AKR1C3: variants seen among roughly 807,000 people sequenced by gnomAD.
AKR1C3 encodes the protein aldo-keto reductase family 1 member C3.
In AKR1C3, 48 loss-of-function variants were observed where a neutral mutation model predicts 43.6. The ratio of observed to expected loss-of-function variants is 1.10; its 90% CI spans 0.87 to 1.40. AKR1C3 has a LOEUF of 1.40. Ranked by LOEUF, AKR1C3 falls within the 40% of genes most tolerant of loss-of-function variation. The pLI is 0.00. For missense variants in AKR1C3, 482 were observed against 391.2 expected (o/e 1.23, Z -1.96); for synonymous variants, 162 against 139.6 (o/e 1.16, Z -1.13).
At chr10:5,106,965 A>G (rs1180544010) in intron 8 of AKR1C3, among the ~76,000 whole-genome samples, 2 of 151,662 alleles carry the variant, frequency 1.3e-5, no homozygotes, top group Non-Finnish European at 2.9e-5. Context: ...GAGCATGAGT[A>G]ATTCTTATCA....
chr10:5,074,254 G>T (rs1838666231), intron 1 of AKR1C3, among the ~76,000 whole-genome samples: 2 of 152,062 alleles, frequency 1.3e-5, no homozygotes, highest in African/African-American at 4.8e-5. Context: ...ACCTCCTGAG[G>T]GTGTGTCATG....
intron 1 of AKR1C3, among the ~76,000 whole-genome samples, chr10:5,094,749 C>T (rs1023643596): frequency 6.6e-6 from 1 of 152,066 alleles, no homozygotes. Flanking sequence ...CTGTTTCTTT[C>T]TTCTGTTCAT....
intron 1 of AKR1C3, among the ~76,000 whole-genome samples, chr10:5,084,999 G>C: frequency 6.6e-6 from 1 of 152,128 alleles, no homozygotes; most frequent in East Asian, 1.9e-4. Context: ...GGGTTTTCTA[G>C]ATACACAATC....
At chr10:5,067,033 ATTGTTTGTTTGT>A (rs144988666) in intron 1 of AKR1C3, among the ~76,000 whole-genome samples, 3 of 151,954 alleles carry the variant, frequency 2.0e-5, no homozygotes, top group African/African-American at 7.3e-5. Context: ...GGAGTGAATC[ATTGTTTGTTTGT>A]TTGTTTGTTT....
At chr10:5,051,147 G>C (rs1838145393) in intron 1 of AKR1C3, among the ~76,000 whole-genome samples, 1 of 152,230 alleles carries the variant, frequency 6.6e-6, no homozygotes, top group Non-Finnish European at 1.5e-5. Flanking sequence ...CCAGGCTGGA[G>C]TACAGTGGCG....
rs148160794 is a variant in AKR1C3, at chr10:5,082,543, AT to A, written c.85-13857del. Among the ~76,000 whole-genome samples, 15 of 148,500 alleles carry A rather than the reference AT, an allele frequency of 1.0e-4. No individual in the cohort carries two copies. The East Asian group carries it at 1.4e-3, about 14-fold the overall frequency. ...AAACTCGGCATCTGTTGGGATGATC[AT>A]TTTTTTTTTGCTTTTAAGTATGTTT... On this transcript the variant is annotated intron_variant, in intron 1 of 8. Transcript: ENST00000439082.
chr10:5,050,312 G>T (rs1554778821), intron 1 of AKR1C3, among the ~76,000 whole-genome samples: 1 of 152,218 alleles, frequency 6.6e-6, no homozygotes, highest in African/African-American at 2.4e-5. Context: ...TCTGCAATAT[G>T]GAGATCTCAA....
chr10:5,098,209 G>T, intron 3 of AKR1C3: 2 of 980,664 alleles, frequency 2.0e-6, no homozygotes, highest in Non-Finnish European at 2.4e-6. Context: ...ATATGAAATA[G>T]TCTACAAAAA....
rs377644985 is a variant in AKR1C3, at chr10:5,107,565, G to A, written c.*62G>A. The A allele has an allele frequency of 1.6e-5, 21 of 1,347,982 alleles. No homozygotes were observed. The highest frequency in any genetic ancestry group is 1.2e-4 in the East Asian group (5 of 42,976). The allele number at this position is 1,347,982 out of a possible 1,614,324, so 83.5% of individuals were successfully genotyped here. ...GTGTGTGGATGGTGACGCAGAGGAC[G>A]TCTCTATGCCGGTGACTGGACATAT... On this transcript the variant is annotated 3_prime_UTR_variant, in exon 9 of 9. Coordinates refer to ENST00000380554, the MANE Select transcript of AKR1C3 (RefSeq NM_003739.6).
intron 1 of AKR1C3, among the ~76,000 whole-genome samples, chr10:5,062,774 C>T (rs1369424767): frequency 6.7e-6 from 1 of 150,252 alleles, no homozygotes. Flanking sequence ...TTAGGGCAGT[C>T]ATTTGTAAAT....
chr10:5,078,992 C>G, intron 1 of AKR1C3, among the ~76,000 whole-genome samples: 1 of 152,174 alleles, frequency 6.6e-6, no homozygotes, highest in East Asian at 1.9e-4. Context: ...TAACTCCAGT[C>G]TCCTTGTGAG....
chr10:5,104,352 T>G (rs1041098186), intron 7 of AKR1C3, among the ~76,000 whole-genome samples: 1 of 151,154 alleles, frequency 6.6e-6, no homozygotes, highest in Non-Finnish European at 1.5e-5. Flanking sequence ...CCAACAATTA[T>G]TGAAAAGCAT....
intron 1 of AKR1C3, among the ~76,000 whole-genome samples, chr10:5,095,648 T>C (rs1462194020): frequency 1.3e-5 from 2 of 152,136 alleles, no homozygotes; most frequent in Non-Finnish European, 2.9e-5. Flanking sequence ...TATCCAAATT[T>C]GGTCAATAAG....
intron 1 of AKR1C3, among the ~76,000 whole-genome samples, chr10:5,071,175 G>T (rs1327876332): frequency 1.3e-5 from 2 of 152,198 alleles, no homozygotes; most frequent in Non-Finnish European, 2.9e-5. Context: ...ACACAATAGA[G>T]GTATATTTGG....
intron 6 of AKR1C3, 58 bp downstream of exon 6, chr10:5,102,268 C>G (rs2131847422): frequency 1.3e-6 from 2 of 1,580,462 alleles, no homozygotes; most frequent in African/African-American, 2.7e-5. Flanking sequence ...ATTTTTTAGT[C>G]AGAGCATCCT....
chr10:5,097,494 A>G lies in AKR1C3; in HGVS notation c.313A>G (p.Lys105Glu). 6.2e-7 allele frequency: 1 copy of G among 1,613,808 alleles called. No individual in the cohort carries two copies. Among genetic ancestry groups the G allele is most frequent in the Non-Finnish European group, 8.5e-7 (1 of 1,179,778 alleles). Residue 105 changes from lysine to glutamate, a missense_variant, in exon 3 of 9, where the codon AAA (lysine) becomes GAA (glutamate). Transcript: ENST00000380554. The stretch of plus-strand genomic sequence containing the variant: ...ACCAGCCTTGGAAAACTCACTGAAG[A>G]AAGCTCAATTGGACTATGTTGACCT... ...VRPALENSLKKAQLDYVDLYL... is the reference protein window; with the variant it reads ...VRPALENSLKEAQLDYVDLYL...
intron 8 of AKR1C3, 113 bp from the exon 9 acceptor site, chr10:5,107,348 C>T: frequency 1.3e-6 from 1 of 748,776 alleles, no homozygotes; most frequent in Admixed American, 2.5e-5. Flanking sequence ...GCAGATTCTA[C>T]AACTAGTCAG....
chr10:5,101,435 CAAAATGA>C (rs1435278137), intron 5 of AKR1C3, among the ~76,000 whole-genome samples: 9 of 149,616 alleles, frequency 6.0e-5, no homozygotes, highest in Non-Finnish European at 1.2e-4. Flanking sequence ...TTCACCAAAT[CAAAATGA>C]AGAACAAATA....
In AKR1C3 at chr10:5,107,586, C is replaced by A; in HGVS notation, c.*83C>A. 1 of 1,088,004 alleles carries A rather than the reference C, an allele frequency of 9.2e-7. No individual in the cohort carries two copies. The highest frequency in any genetic ancestry group is 1.4e-6 in the Non-Finnish European group (1 of 720,760). The allele number at this position is 1,088,004 out of a possible 1,614,324, so 67.4% of individuals were successfully genotyped here. A position where few individuals can be genotyped will look rare whatever the true frequency, so the allele number is the denominator to read the frequency against. The stretch of plus-strand genomic sequence containing the variant: ...GGACGTCTCTATGCCGGTGACTGGA[C>A]ATATCACCTCTACTTAAATCCGTCC... On this transcript the variant is annotated 3_prime_UTR_variant, in exon 9 of 9. Coordinates refer to ENST00000380554, the MANE Select transcript of AKR1C3 (RefSeq NM_003739.6).
Sources: gnomAD v4.1 joint callset for allele counts (sites outside exome capture counted in the v4.1 genomes callset) on GRCh38, gnomAD v4.1.1 for gene constraint, MANE v1.5 for transcripts, NCBI Gene and HGNC (gene_info 2026-07-23, HGNC 2026-07-21) for gene names.